The following CA6 variants were observed in gnomAD, a reference collection of about 807,000 sequenced individuals.
CA6 encodes the protein carbonate dehydratase VI.
Under a neutral mutation model 35.9 loss-of-function variants are expected in CA6, and 28 were observed. The ratio of observed to expected loss-of-function variants is 0.78; its 90% CI spans 0.58 to 1.07. CA6 has a LOEUF of 1.07. CA6 is among the 50% of genes least tolerant of loss of function. The pLI is 0.00. For missense variants in CA6, 377 were observed against 382.0 expected, an observed-to-expected ratio of 0.99 and a Z score of 0.11; for synonymous variants, 148 against 152.6, an observed-to-expected ratio of 0.97 and a Z score of 0.22.
intron 2 of CA6, chr1:8,952,639 T>C (rs1639569617): frequency 6.6e-6 from 1 of 152,078 alleles, no homozygotes; most frequent in Admixed American, 6.6e-5. Context: ...GTATTAAAGA[T>C]TTGTTAATTT....
At position 8,949,243 on chromosome 1, in the gene CA6, C is replaced by T; in HGVS notation, c.80-20C>T. On this transcript the variant is annotated intron_variant, in intron 1 of 7. Coordinates refer to ENST00000377443, the MANE Select transcript of CA6 (RefSeq NM_001215.4). Reference sequence around the variant, plus strand: ...GGGCGCAGCCAGGCAGCCCCTTGAACTGTGTCTTTCCTGTCTTAGAAGGGG... The same window carrying T: ...GGGCGCAGCCAGGCAGCCCCTTGAATTGTGTCTTTCCTGTCTTAGAAGGGG... 6 of 1,567,578 alleles carry T rather than the reference C, an allele frequency of 3.8e-6. No homozygotes were observed. The highest frequency in any genetic ancestry group is 4.3e-6 in the Non-Finnish European group (5 of 1,156,264).
chr1:8,968,641 CA>C (rs1428332832), intron 6 of CA6, among the ~76,000 whole-genome samples: 4 of 151,952 alleles, frequency 2.6e-5, no homozygotes, highest in South Asian at 2.1e-4. Flanking sequence ...GAGAAAAGAG[CA>C]AAAAAGTATA....
At position 8,959,315 on chromosome 1, in the gene CA6, CT is replaced by C. The variant is rs869139632; in HGVS notation, c.501+329del. Among the ~76,000 whole-genome samples, 1,344 of 137,012 alleles carry C rather than the reference CT, an allele frequency of 9.8e-3. 8 individuals are homozygous for C. Among genetic ancestry groups the C allele is most frequent in the African/African-American group, 0.021 (797 of 37,336 alleles). The allele number at this position is 137,012 out of a possible 152,430, so 89.9% of individuals were successfully genotyped here. On this transcript the variant is annotated intron_variant, in intron 4 of 7. Transcript: ENST00000377443. ...GACAAAGGCAACACCTCTGCATTTC[CT>C]TTTTTTTTTTTTTTTGAGACGAAGT... is the stretch of plus-strand genomic sequence containing the variant.
chr1:8,955,789 C>T (rs772077920), intron 2 of CA6, among the ~76,000 whole-genome samples: 22 of 152,276 alleles, frequency 1.4e-4, no homozygotes, highest in African/African-American at 3.6e-4. Flanking sequence ...TAGCACATTA[C>T]GTTATGAATT....
intron 7 of CA6, among the ~76,000 whole-genome samples, chr1:8,971,458 C>A (rs1035186655): frequency 6.6e-6 from 1 of 151,920 alleles, no homozygotes; most frequent in Admixed American, 6.6e-5. Context: ...ACTACAGGCA[C>A]CTACCACCAC....
At chr1:8,971,223 A>C (rs1465237738) in intron 7 of CA6, among the ~76,000 whole-genome samples, 2 of 151,908 alleles carry the variant, frequency 1.3e-5, no homozygotes, top group Non-Finnish European at 2.9e-5. Flanking sequence ...GTGATTTATT[A>C]CCTACCTAGT....
intron 1 of CA6, among the ~76,000 whole-genome samples, chr1:8,948,876 C>T (rs1230661085): frequency 2.6e-5 from 4 of 151,420 alleles, no homozygotes; most frequent in East Asian, 1.9e-4. Context: ...AGGCTGATGC[C>T]GGATAATCTC....
Position 8,958,951 on chromosome 1 carries a change from T to C in CA6, c.450T>C (p.Asp150=), listed in dbSNP as rs746404086. 5.0e-6 allele frequency: 8 copies of C among 1,612,630 alleles called. No individual in the cohort carries two copies. Among genetic ancestry groups the C allele is most frequent in the Non-Finnish European group, 5.9e-6 (7 of 1,178,736 alleles). Residue 150 remains aspartate (D), a synonymous_variant, in exon 4 of 8, where the codon GAT becomes GAC. Transcript: ENST00000377443. Reference sequence around the variant, plus strand: ...ACAATTCTAAATACAAGAGCTATGATATAGCCCAAGATGCGCCGGATGGTT... The same window carrying C: ...ACAATTCTAAATACAAGAGCTATGACATAGCCCAAGATGCGCCGGATGGTT... ...VHYNSKYKSY[D]IAQDAPDGLA...
At chr1:8,961,243 G>A (rs1569699737) in intron 4 of CA6, among the ~76,000 whole-genome samples, 1 of 152,198 alleles carries the variant, frequency 6.6e-6, no homozygotes, top group African/African-American at 2.4e-5. Context: ...GGTTAACTCC[G>A]ATCCACAGAA....
In CA6 at chr1:8,975,006, G is replaced by A; in HGVS notation, c.*302G>A. 4.2e-6 allele frequency: 1 copy of A among 236,278 alleles called. No homozygotes were observed. The highest frequency in any genetic ancestry group is 8.0e-6 in the Non-Finnish European group (1 of 124,470). The allele number at this position is 236,278 out of a possible 1,614,324, so 14.6% of individuals were successfully genotyped here. A position where few individuals can be genotyped will look rare whatever the true frequency, so the allele number is the denominator to read the frequency against. ...ACTATTCTCCCATCAAATCATATAT[G>A]TTGACCTGTCTGAATTATAAACCAG... On this transcript the variant is annotated 3_prime_UTR_variant, in exon 8 of 8. Transcript: ENST00000377443.
intron 2 of CA6, chr1:8,951,827 T>TTA: frequency 6.1e-6 from 1 of 163,650 alleles, no homozygotes. Context: ...TTAAAAACAA[T>TTA]TTTTTTTTTT....
chr1:8,948,847 G>A (rs1302930604), intron 1 of CA6, among the ~76,000 whole-genome samples: 2 of 151,866 alleles, frequency 1.3e-5, no homozygotes, highest in East Asian at 3.9e-4. Flanking sequence ...GTGCATGCCT[G>A]TAATCCCAGC....
chr1:8,962,496 C>A, intron 4 of CA6, 91 bp from the exon 5 acceptor site: 1 of 1,084,324 alleles, frequency 9.2e-7, no homozygotes, highest in South Asian at 1.3e-5. Context: ...AGGCTCGGCC[C>A]AATCCGCTAG....
At chr1:8,947,906 G>A (rs912017391) in intron 1 of CA6, among the ~76,000 whole-genome samples, 7 of 150,690 alleles carry the variant, frequency 4.6e-5, no homozygotes, top group South Asian at 2.1e-4. Flanking sequence ...GTGCAGTGGC[G>A]CGATCTCGGC....
chr1:8,967,774 C>T lies in CA6; in HGVS notation c.687C>T (p.His229=). The T allele has an allele frequency of 1.2e-6, 2 of 1,614,084 alleles. No individual in the cohort carries two copies. Among genetic ancestry groups the T allele is most frequent in the Non-Finnish European group, 1.7e-6 (2 of 1,180,006 alleles). ...CGCCTCCCTGCACTGAGAACGTCCA[C>T]TGGTTTGTGCTGGCAGATTTTGTCA... is the stretch of plus-strand genomic sequence containing the variant. The part of the protein sequence containing the change: ...LTTPPCTENV[H]WFVLADFVKL... Residue 229 remains histidine (H), a synonymous_variant, in exon 6 of 8, where the codon CAC becomes CAT. Coordinates refer to ENST00000377443, the MANE Select transcript of CA6 (RefSeq NM_001215.4).
chr1:8,962,494 C>T, intron 4 of CA6, 93 bp from the exon 5 acceptor site: 1 of 1,059,894 alleles, frequency 9.4e-7, no homozygotes, highest in Non-Finnish European at 1.5e-6. Context: ...CTAGGCTCGG[C>T]CCAATCCGCT....
chr1:8,960,789 C>CAAACATATATATAT (rs59987426), intron 4 of CA6, among the ~76,000 whole-genome samples: 30 of 116,980 alleles, frequency 2.6e-4, no homozygotes, highest in Non-Finnish European at 2.9e-4. Context: ...CACACACACA[C>CAAACATATATATAT]ATATATATAA....
In CA6 at chr1:8,974,747, T is replaced by G; in HGVS notation, c.*43T>G. On this transcript the variant is annotated 3_prime_UTR_variant, in exon 8 of 8. Coordinates refer to ENST00000377443, the MANE Select transcript of CA6 (RefSeq NM_001215.4). ...ATTCAATATTAACTAGCTTGAAGCC[T>G]GACCTAGCCAGAAGTGCCTGTCCGC... 1 of 1,268,882 alleles carries G rather than the reference T, an allele frequency of 7.9e-7. No individual in the cohort carries two copies. The highest frequency in any genetic ancestry group is 1.1e-6 in the Non-Finnish European group (1 of 938,202). 78.6% of individuals were successfully genotyped at this position (1,268,882 alleles called of 1,614,324 possible).
chr1:8,946,659 G>C (rs77376795), intron 1 of CA6, among the ~76,000 whole-genome samples: 1 of 151,866 alleles, frequency 6.6e-6, no homozygotes, highest in South Asian at 2.1e-4. Flanking sequence ...AAAGACTCTC[G>C]GTAACCTCAC....
Sources: gnomAD v4.1 joint callset for allele counts (sites outside exome capture counted in the v4.1 genomes callset) on GRCh38, gnomAD v4.1.1 for gene constraint, MANE v1.5 for transcripts, NCBI Gene and HGNC (gene_info 2026-07-23, HGNC 2026-07-21) for gene names.